CDH12: variants seen among roughly 807,000 people sequenced by gnomAD.
CDH12 encodes cadherin-12.
Under a neutral mutation model 74.1 loss-of-function variants are expected in CDH12, and 41 were observed. The ratio of observed to expected loss-of-function variants is 0.55; its 90% CI spans 0.43 to 0.72. The LOEUF (loss-of-function observed/expected upper bound fraction) is 0.72. Among genes scored for constraint, CDH12 ranks in the 30% least tolerant of loss-of-function variants. The pLI is 0.00. For synonymous variants in CDH12, 399 were observed against 355.0 expected, an observed-to-expected ratio of 1.12 and a Z score of -1.39; for missense variants, 945 against 977.2, an observed-to-expected ratio of 0.97 and a Z score of 0.44.
At chr5:22,695,434 A>G (rs565635295) in intron 1 of CDH12, among the ~76,000 whole-genome samples, 1 of 152,282 alleles carries the variant, frequency 6.6e-6, no homozygotes. Flanking sequence ...ATGTAGACCG[A>G]TGGAACAGAG....
chr5:22,192,985 T>C (rs1750394450), intron 4 of CDH12, among the ~76,000 whole-genome samples: 1 of 151,520 alleles, frequency 6.6e-6, no homozygotes, highest in Non-Finnish European at 1.5e-5. Context: ...GTTAAGGAAG[T>C]CGGAAAAAAA....
chr5:21,776,886 C>A (rs1045758011), intron 11 of CDH12, among the ~76,000 whole-genome samples: 1 of 152,156 alleles, frequency 6.6e-6, no homozygotes, highest in Admixed American at 6.6e-5. Context: ...CATATCATAA[C>A]TACCAAGTAT....
intron 1 of CDH12, among the ~76,000 whole-genome samples, chr5:22,628,750 A>T (rs1738427518): frequency 6.6e-6 from 1 of 152,052 alleles, no homozygotes; most frequent in Non-Finnish European, 1.5e-5. Context: ...TCCAAAATCA[A>T]ATCTGAACTG....
At chr5:22,349,222 G>A (rs1437184351) in intron 3 of CDH12, among the ~76,000 whole-genome samples, 1 of 152,150 alleles carries the variant, frequency 6.6e-6, no homozygotes, top group African/African-American at 2.4e-5. Context: ...TTGTTTATAA[G>A]CTGTCTAGTC....
intron 12 of CDH12, among the ~76,000 whole-genome samples, chr5:21,762,975 C>T (rs573124659): frequency 6.7e-6 from 1 of 150,162 alleles, no homozygotes; most frequent in South Asian, 2.1e-4. Flanking sequence ...CCCAAAACAA[C>T]CAAATCAGGT....
chr5:21,844,282 T>C (rs559570146), intron 7 of CDH12, among the ~76,000 whole-genome samples: 16 of 152,118 alleles, frequency 1.1e-4, no homozygotes, highest in African/African-American at 3.4e-4. Flanking sequence ...CACCTTAAAA[T>C]AAATTGCAAT....
chr5:21,818,874 C>T (rs146658760), intron 8 of CDH12, among the ~76,000 whole-genome samples: 53 of 152,004 alleles, frequency 3.5e-4, no homozygotes, highest in African/African-American at 1.2e-3. Flanking sequence ...TAAAATGTTA[C>T]ATAGATATTA....
rs142549636 is a variant in CDH12, at chr5:21,872,894, C to CATCCATCTATCTATCTATCTATCT, written c.527-18105_527-18104insAGATAGATAGATAGATAGATGGAT. On this transcript the variant is annotated intron_variant, in intron 6 of 14. Transcript: ENST00000382254. ...ATATATCAATCACCTACCTATCATC[C>CATCCATCTATCTATCTATCTATCT]ATCTATCTATCTATCTATCTATCTA... Among the ~76,000 whole-genome samples, 38 of 146,850 alleles carry CATCCATCTATCTATCTATCTATCT rather than the reference C, an allele frequency of 2.6e-4. No homozygotes were observed. The East Asian group carries it at 4.9e-3, about 19-fold the overall frequency.
intron 4 of CDH12, chr5:22,144,294 A>C (rs1269984403): frequency 1.3e-5 from 2 of 152,190 alleles, no homozygotes; most frequent in African/African-American, 4.8e-5. Context: ...TATTGGTTAC[A>C]GTTTAAAATA....
At position 22,475,111 on chromosome 5, in the gene CDH12, G is replaced by C. The variant is rs1380785415; in HGVS notation, c.-428+30159C>G. Among the ~76,000 whole-genome samples, 3 of 150,646 alleles carry C rather than the reference G, an allele frequency of 2.0e-5. No individual in the cohort carries two copies. The Admixed American group carries it at 2.0e-4, about 10-fold the overall frequency. On this transcript the variant is annotated intron_variant, in intron 2 of 14. Coordinates refer to ENST00000382254, the MANE Select transcript of CDH12 (RefSeq NM_004061.5). Reference sequence around the variant, plus strand: ...TCTGGAACTCATCCCCTCTTGGCAAGAGGTGGAACCAGGGAACATTCTGAG... The same window carrying C: ...TCTGGAACTCATCCCCTCTTGGCAACAGGTGGAACCAGGGAACATTCTGAG...
At chr5:21,893,964 A>G (rs969588813) in intron 6 of CDH12, among the ~76,000 whole-genome samples, 5 of 152,246 alleles carry the variant, frequency 3.3e-5, no homozygotes, top group African/African-American at 9.6e-5. Flanking sequence ...TATTCGCTGA[A>G]GAAACCATTT....
chr5:22,051,215 C>T (rs1041569920), intron 5 of CDH12, among the ~76,000 whole-genome samples: 1 of 152,056 alleles, frequency 6.6e-6, no homozygotes, highest in South Asian at 2.1e-4. Flanking sequence ...CTTGCCCCAT[C>T]CTTGATGTTA....
intron 1 of CDH12, among the ~76,000 whole-genome samples, chr5:22,795,594 TAC>T (rs575398862): frequency 2.7e-5 from 4 of 149,734 alleles, no homozygotes; most frequent in Admixed American, 6.7e-5. Context: ...ATATATATTA[TAC>T]ACACACACAC....
chr5:22,343,566 C>T (rs1247227020), intron 3 of CDH12, among the ~76,000 whole-genome samples: 3 of 152,132 alleles, frequency 2.0e-5, no homozygotes, highest in Admixed American at 6.5e-5. Flanking sequence ...TACAGGCTCC[C>T]GCCACCACGC....
At chr5:22,384,200 C>G (rs1480310188) in intron 3 of CDH12, among the ~76,000 whole-genome samples, 1 of 151,932 alleles carries the variant, frequency 6.6e-6, no homozygotes, top group Non-Finnish European at 1.5e-5. Flanking sequence ...ATCTATCTAG[C>G]CTAGATAAAT....
chr5:22,828,698 T>A (rs1352880432), intron 1 of CDH12, among the ~76,000 whole-genome samples: 3 of 152,196 alleles, frequency 2.0e-5, no homozygotes, highest in Non-Finnish European at 4.4e-5. Context: ...ATATCATGAT[T>A]CTCATTGTAT....
At chr5:22,375,110 C>G (rs183619107) in intron 3 of CDH12, among the ~76,000 whole-genome samples, 66 of 152,064 alleles carry the variant, frequency 4.3e-4, no homozygotes, top group Non-Finnish European at 7.7e-4. Flanking sequence ...AGAATGTAGA[C>G]TAATGGAACA....
At chr5:22,782,228 T>C (rs1747419470) in intron 1 of CDH12, among the ~76,000 whole-genome samples, 1 of 151,914 alleles carries the variant, frequency 6.6e-6, no homozygotes, top group Non-Finnish European at 1.5e-5. Context: ...AACATGAGAT[T>C]TGGGAGGGAA....
chr5:22,036,183 G>A (rs1739172960), intron 5 of CDH12, among the ~76,000 whole-genome samples: 1 of 152,120 alleles, frequency 6.6e-6, no homozygotes, highest in South Asian at 2.1e-4. Flanking sequence ...CTTACCAGAG[G>A]AACATATCAA....
Sources: gnomAD v4.1 joint callset for allele counts (sites outside exome capture counted in the v4.1 genomes callset) on GRCh38, gnomAD v4.1.1 for gene constraint, MANE v1.5 for transcripts, NCBI Gene and HGNC (gene_info 2026-07-23, HGNC 2026-07-21) for gene names.